The following MTX3 variants were observed in gnomAD, a reference collection of about 807,000 sequenced individuals.
MTX3 encodes metaxin 3.
MTX3 carries 27 observed loss-of-function variants against 42.5 expected under a neutral mutation model. The observed-to-expected ratio is 0.64, with a 90% confidence interval of 0.47 to 0.88. MTX3 has a LOEUF of 0.88. Ranked by LOEUF, MTX3 falls within the 40% of genes least tolerant of loss-of-function variation. The probability of loss-of-function intolerance (pLI) is 0.00; values close to 1 mark genes in which losing one functional copy is unlikely to be tolerated. For synonymous variants in MTX3, 144 were observed against 132.9 expected, an observed-to-expected ratio of 1.08 and a Z score of -0.57; for missense variants, 378 against 367.0, an observed-to-expected ratio of 1.03 and a Z score of -0.25.
At position 79,982,334 on chromosome 5, in the gene MTX3, A is replaced by G; in HGVS notation, c.*1350T>C. The G allele has an allele frequency of 1.1e-5, 5 of 452,068 alleles. No homozygotes were observed. Among genetic ancestry groups the G allele is most frequent in the South Asian group, 7.9e-5 (5 of 63,418 alleles). 28.0% of individuals were successfully genotyped at this position (452,068 alleles called of 1,614,324 possible). On this transcript the variant is annotated 3_prime_UTR_variant, in exon 9 of 9. Transcript: ENST00000512528. Reference sequence around the variant, plus strand: ...CAAATTGGGAGGATGTGGGTCAAACACAGCTGAGCTCCACTCAGCTCAAAT... The same window carrying G: ...CAAATTGGGAGGATGTGGGTCAAACGCAGCTGAGCTCCACTCAGCTCAAAT...
rs373988069 is a variant in MTX3, at chr5:79,990,581, G to A, written c.151+13C>T. On this transcript the variant is annotated intron_variant, in intron 2 of 8. Coordinates refer to ENST00000512528, the MANE Select transcript of MTX3 (RefSeq NM_001363818.2). ...AGAGTGCAGAAAGGGGAGTGTAAAG[G>A]TTTACACTATACCTCTTGAACCTCT... 35 of 1,549,738 alleles carry A rather than the reference G, an allele frequency of 2.3e-5. No homozygotes were observed. In the African/African-American group the frequency reaches 3.0e-4, roughly 13 times the overall value.
rs528415960 is a variant in MTX3, at chr5:79,988,441, G to A, written c.504+21C>T. 20 of 1,599,294 alleles carry A rather than the reference G, an allele frequency of 1.3e-5. No homozygotes were observed. The African/African-American group carries it at 2.4e-4, about 19-fold the overall frequency. On this transcript the variant is annotated intron_variant, in intron 5 of 8. Coordinates refer to ENST00000512528, the MANE Select transcript of MTX3 (RefSeq NM_001363818.2). ...TCCTTTCTCTCTAGGGCCCTTGCTT[G>A]AAGAATAATCCATACTATACCTGTG...
intron 4 of MTX3, 57 bp from the exon 5 acceptor site, chr5:79,988,701 C>T (rs1053346217): frequency 7.1e-7 from 1 of 1,410,762 alleles, no homozygotes; most frequent in Admixed American, 2.7e-5. Flanking sequence ...TGAAAGATCA[C>T]TCAATCAACA....
At chr5:79,984,938 G>A (rs1250486751) in intron 8 of MTX3, among the ~76,000 whole-genome samples, 1 of 152,144 alleles carries the variant, frequency 6.6e-6, no homozygotes, top group African/African-American at 2.4e-5. Context: ...GAAACATTAA[G>A]AGACAGAGAG....
rs1341247407 is a variant in MTX3 at position 79,976,754 on chromosome 5, A to G, written c.*6930T>C. The G allele has an allele frequency of 6.6e-6, 1 of 152,648 alleles. No homozygotes were observed. The highest frequency in any genetic ancestry group is 2.4e-5 in the African/African-American group (1 of 41,460). 9.5% of individuals were successfully genotyped at this position (152,648 alleles called of 1,614,324 possible). A position where few individuals can be genotyped will look rare whatever the true frequency, so the allele number is the denominator to read the frequency against. ...AGGAGATTTGAGATTTTTATTGAGAAAATAGCTATTTTGACATTATATCCA... is the reference window on the plus strand; with the variant it reads ...AGGAGATTTGAGATTTTTATTGAGAGAATAGCTATTTTGACATTATATCCA... On this transcript the variant is annotated 3_prime_UTR_variant, in exon 9 of 9. Transcript: ENST00000512528.
chr5:79,982,550 T>C lies in MTX3; in HGVS notation c.*1134A>G. 2.8e-6 allele frequency: 1 copy of C among 360,670 alleles called. No homozygotes were observed. The allele number at this position is 360,670 out of a possible 1,614,324, so 22.3% of individuals were successfully genotyped here. The stretch of plus-strand genomic sequence containing the variant: ...AACCACTAAAATAAGCAAGTTTCTA[T>C]TATAAGTAAAATTACCACACAGCAA... On this transcript the variant is annotated 3_prime_UTR_variant, in exon 9 of 9. Transcript: ENST00000512528.
chr5:79,986,961 A>G lies in MTX3; in HGVS notation c.728T>C (p.Leu243Pro), dbSNP rs1186856922. Residue 243 changes from leucine (L) to proline (P), a missense_variant, in exon 7 of 9, where the codon CTT (leucine) becomes CCT (proline). By Grantham distance (98) the Leu-to-Pro change is moderately conservative. Coordinates refer to ENST00000512528, the MANE Select transcript of MTX3 (RefSeq NM_001363818.2). Reference protein sequence around the residue: ...CDDILSSYFRLSLGGISPAGQ... With the variant: ...CDDILSSYFRPSLGGISPAGQ... Reference sequence around the variant, plus strand: ...AAGAGCCAGCTTACCTCCAAGACTAAGCCTAAAATAACTGCTCAGGATGTC... The same window carrying G: ...AAGAGCCAGCTTACCTCCAAGACTAGGCCTAAAATAACTGCTCAGGATGTC... 2.5e-6 allele frequency: 4 copies of G among 1,613,760 alleles called. No homozygotes were observed. Among genetic ancestry groups the G allele is most frequent in the South Asian group, 1.1e-5 (1 of 91,024 alleles).
intron 1 of MTX3, chr5:79,990,913 CCAGA>C: frequency 1.4e-6 from 1 of 708,744 alleles, no homozygotes; most frequent in Non-Finnish European, 2.6e-6. Context: ...ACTCCACCGC[CCAGA>C]CAGCTTTGTG....
rs185588790 is a variant in MTX3 at position 79,990,576 on chromosome 5, T to C, written c.151+18A>G. On this transcript the variant is annotated intron_variant, in intron 2 of 8. Coordinates refer to ENST00000512528, the MANE Select transcript of MTX3 (RefSeq NM_001363818.2). The stretch of plus-strand genomic sequence containing the variant: ...AAAAAAGAGTGCAGAAAGGGGAGTG[T>C]AAAGGTTTACACTATACCTCTTGAA... The C allele has an allele frequency of 9.8e-5, 149 of 1,519,068 alleles. No homozygotes were observed. In the East Asian group the frequency reaches 3.3e-3, roughly 33 times the overall value. The allele number at this position is 1,519,068 out of a possible 1,614,324, so 94.1% of individuals were successfully genotyped here.
intron 6 of MTX3, among the ~76,000 whole-genome samples, chr5:79,987,456 A>G (rs562442387): frequency 1.5e-4 from 23 of 151,944 alleles, no homozygotes; most frequent in African/African-American, 5.1e-4. Flanking sequence ...AAAAAAAAAA[A>G]AAAAATTAAA....
chr5:79,983,750 T>C lies in MTX3; in HGVS notation c.873A>G (p.Lys291=), dbSNP rs2151140456. ...CTGGAGTCAATTTAAGTGTTGGCAG[T>C]TTCCGAGGAGGAAGCTGAGGGCTTT... is the stretch of plus-strand genomic sequence containing the variant. ...LRQSPQLPPR[K]LPTLKLTPAE... is the part of the protein sequence containing the mutation. The change falls in exon 9 of 9, where the codon AAA becomes AAG. Residue 291 remains lysine, a synonymous_variant. Coordinates refer to ENST00000512528, the MANE Select transcript of MTX3 (RefSeq NM_001363818.2). 1 of 1,613,944 alleles carries C rather than the reference T, an allele frequency of 6.2e-7. No homozygotes were observed. Among genetic ancestry groups the C allele is most frequent in the Non-Finnish European group, 8.5e-7 (1 of 1,179,830 alleles).
rs1403425381 is a variant in MTX3 at position 79,981,667 on chromosome 5, CTT to C, written c.*2015_*2016del. On this transcript the variant is annotated 3_prime_UTR_variant, in exon 9 of 9. Transcript: ENST00000512528. Reference sequence around the variant, plus strand: ...GACATAACCTAGCATTATCTTTTGACTTTGCCCATGGAGAAACTTGGAGTTAA... The same window carrying C: ...GACATAACCTAGCATTATCTTTTGACTGCCCATGGAGAAACTTGGAGTTAA... 6.6e-6 allele frequency: 1 copy of C among 152,074 alleles called. No individual in the cohort carries two copies. The highest frequency in any genetic ancestry group is 1.5e-5 in the Non-Finnish European group (1 of 67,998). The allele number at this position is 152,074 out of a possible 1,614,324, so 9.4% of individuals were successfully genotyped here. A position where few individuals can be genotyped will look rare whatever the true frequency, so the allele number is the denominator to read the frequency against.
At chr5:79,990,715 C>T in intron 1 of MTX3, 52 bp from the exon 2 acceptor site, 1 of 1,340,136 alleles carries the variant, frequency 7.5e-7, no homozygotes, top group Non-Finnish European at 1.1e-6. Context: ...TAATGCAAAG[C>T]TGCAGAGCAG....
chr5:79,986,981 G>C lies in MTX3; in HGVS notation c.708C>G (p.Ile236Met). Residue 236 changes from isoleucine to methionine, a missense_variant, in exon 7 of 9, where the codon ATC becomes ATG. Physicochemically the swap from Ile to Met is conservative, Grantham distance 10. Transcript: ENST00000512528. The part of the protein sequence containing the change: ...LSNLCRFCDD[I>M]LSSYFRLSLG... The stretch of plus-strand genomic sequence containing the variant: ...GACTAAGCCTAAAATAACTGCTCAG[G>C]ATGTCATCACAAAAGCGACAGAGGT... 6.2e-7 allele frequency: 1 copy of C among 1,613,948 alleles called. No homozygotes were observed. Among genetic ancestry groups the C allele is most frequent in the Non-Finnish European group, 8.5e-7 (1 of 1,179,872 alleles).
Position 79,988,575 on chromosome 5 carries a change from G to A in MTX3, c.391C>T (p.Pro131Ser), listed in dbSNP as rs747110083. 1.2e-6 allele frequency: 2 copies of A among 1,607,372 alleles called. No homozygotes were observed. The highest frequency in any genetic ancestry group is 2.2e-5 in the South Asian group (2 of 89,330). ...GGCAGGATCAAACTCAAAGGAAAAGGAATTTGTGAAGCAAACCATGGCTTT... is the reference window on the plus strand; with the variant it reads ...GGCAGGATCAAACTCAAAGGAAAAGAAATTTGTGAAGCAAACCATGGCTTT... ...VTKPWFASQI[P>S]FPLSLILPGR... The change falls in exon 5 of 9, where the codon CCT becomes TCT. Residue 131 changes from proline (P) to serine (S), a missense_variant. Pro to Ser is a moderately conservative substitution (Grantham distance 74). Coordinates refer to ENST00000512528, the MANE Select transcript of MTX3 (RefSeq NM_001363818.2).
intron 8 of MTX3, among the ~76,000 whole-genome samples, chr5:79,984,495 T>G (rs1251035608): frequency 6.6e-6 from 1 of 152,146 alleles, no homozygotes; most frequent in East Asian, 1.9e-4. Context: ...ACTGGATCAC[T>G]TCTAAATGAG....
intron 7 of MTX3, chr5:79,986,691 G>A: frequency 5.6e-6 from 3 of 539,018 alleles, no homozygotes; most frequent in East Asian, 4.1e-5. Context: ...CACTTCAAAG[G>A]GGTAATATTT....
rs199503850 is a variant in MTX3, at chr5:79,990,081, A to T, written c.228+79T>A. ...CAATTGTCTAATGAGTTGGCAAAAA[A>T]AAATAAATAAATAAAATAAAGCCCA... On this transcript the variant is annotated intron_variant, in intron 3 of 8. Coordinates refer to ENST00000512528, the MANE Select transcript of MTX3 (RefSeq NM_001363818.2). 7.0e-4 allele frequency: 622 copies of T among 884,722 alleles called. 4 individuals carry two copies. The highest frequency in any genetic ancestry group is 5.5e-3 in the Middle Eastern group (24 of 4,348). 54.8% of individuals were successfully genotyped at this position (884,722 alleles called of 1,614,324 possible). A position where few individuals can be genotyped will look rare whatever the true frequency, so the allele number is the denominator to read the frequency against.
At chr5:79,988,887 G>C (rs370204354) in intron 4 of MTX3, among the ~76,000 whole-genome samples, 1 of 152,038 alleles carries the variant, frequency 6.6e-6, no homozygotes, top group African/African-American at 2.4e-5. Flanking sequence ...TTTGTTGAAT[G>C]AATGAATTAC....
Sources: allele counts gnomAD v4.1 joint callset (sites outside exome capture counted in the v4.1 genomes callset), GRCh38; gene constraint gnomAD v4.1.1; transcripts MANE v1.5; gene names NCBI Gene and HGNC (gene_info 2026-07-23, HGNC 2026-07-21).